Variants in PICALM observed in about 807,000 individuals in gnomAD.
The protein encoded by PICALM is phosphatidylinositol binding clathrin assembly protein.
A neutral mutation model predicts 80.5 loss-of-function variants in PICALM; 40 were observed. The observed-to-expected ratio is 0.50, with a 90% CI of 0.39 to 0.65. The LOEUF (loss-of-function observed/expected upper bound fraction) is 0.65, where lower values mean the gene tolerates loss of function less well. Among genes scored for constraint, PICALM ranks in the 30% least tolerant of loss-of-function variants. The probability of loss-of-function intolerance (pLI) is 0.00; values close to 1 mark genes in which losing one functional copy is unlikely to be tolerated. For missense variants in PICALM, 676 were observed against 778.9 expected, an observed-to-expected ratio of 0.87 and a Z score of 1.57; for synonymous variants, 288 against 260.3, an observed-to-expected ratio of 1.11 and a Z score of -1.02.
chr11:86,008,770 C>G (rs72961111), intron 7 of PICALM, among the ~76,000 whole-genome samples: 34,058 of 151,768 alleles, frequency 0.22, 4,198 homozygotes, highest in African/African-American at 0.28. Context: ...CAAGCCCAAA[C>G]ACAGTCTCAA....
chr11:86,030,469 G>A (rs1045554062), intron 2 of PICALM, among the ~76,000 whole-genome samples: 4 of 152,078 alleles, frequency 2.6e-5, no homozygotes, highest in Admixed American at 1.3e-4. Flanking sequence ...TTATCTTCCC[G>A]GGCTGCATTT....
At chr11:85,974,969 T>C (rs1235404831) in intron 18 of PICALM, among the ~76,000 whole-genome samples, 157 bp from the exon 19 acceptor site, 1 of 152,200 alleles carries the variant, frequency 6.6e-6, no homozygotes, top group Admixed American at 6.5e-5. Context: ...GCTACAAACT[T>C]TCGAGAGTAT....
At chr11:85,981,631 C>A in intron 16 of PICALM, 114 bp downstream of exon 16, 18 of 712,458 alleles carry the variant, frequency 2.5e-5, no homozygotes, top group Non-Finnish European at 4.1e-5. Context: ...AAGATGCAGA[C>A]TTGATATCTC....
At position 86,001,071 on chromosome 11, in the gene PICALM, T is replaced by A. The variant is rs757982851; in HGVS notation, c.981A>T (p.Ala327=). 5 of 1,614,194 alleles carry A rather than the reference T, an allele frequency of 3.1e-6. No individual in the cohort carries two copies. In the South Asian group the frequency reaches 4.4e-5, roughly 14 times the overall value. The part of the protein sequence containing the change: ...TKVDEREKQA[A]LEEEQARLKA... ...TCAAACGTGCCTGTTCTTCCTCTAA[T>A]GCTGCCTGCTTTTCCCTTTCATCCA... Residue 327 remains alanine, a synonymous_variant, in exon 10 of 20, where the codon GCA becomes GCT. Transcript: ENST00000393346.
intron 2 of PICALM, among the ~76,000 whole-genome samples, chr11:86,026,648 C>T (rs1382045142): frequency 6.6e-6 from 1 of 152,100 alleles, no homozygotes; most frequent in Non-Finnish European, 1.5e-5. Context: ...GGTTTTATTA[C>T]AGCATACTAA....
chr11:85,964,317 A>G (rs2093800110), intron 19 of PICALM, among the ~76,000 whole-genome samples: 1 of 152,200 alleles, frequency 6.6e-6, no homozygotes, highest in Non-Finnish European at 1.5e-5. Flanking sequence ...GAAACTTAAC[A>G]ATGCTGTAGA....
At chr11:86,053,258 G>A (rs2137408954) in intron 1 of PICALM, among the ~76,000 whole-genome samples, 1 of 152,308 alleles carries the variant, frequency 6.6e-6, no homozygotes, top group South Asian at 2.1e-4. Flanking sequence ...GTATATTCTT[G>A]TAACGAGGCT....
chr11:85,959,086 AT>A, intron 19 of PICALM, 26 bp from the exon 20 acceptor site: 2 of 1,512,808 alleles, frequency 1.3e-6, no homozygotes, highest in South Asian at 2.3e-5. Flanking sequence ...GGGTATGTTA[AT>A]TCATTGTATT....
At chr11:86,026,515 C>T in intron 2 of PICALM, 148 bp from the exon 3 acceptor site, 1 of 576,606 alleles carries the variant, frequency 1.7e-6, no homozygotes, top group East Asian at 2.8e-5. Flanking sequence ...AACTAGTTAC[C>T]AAACCTAAAA....
At chr11:86,008,952 C>CAAAAAAAAAAAAAA (rs59740555) in intron 7 of PICALM, among the ~76,000 whole-genome samples, 6 of 62,838 alleles carry the variant, frequency 9.5e-5, no homozygotes, top group Non-Finnish European at 1.2e-4. Context: ...AAAAAAAAGC[C>CAAAAAAAAAAAAAA]AAAAAAAAAA....
intron 12 of PICALM, among the ~76,000 whole-genome samples, chr11:85,995,834 T>G (rs1399495966): frequency 1.3e-5 from 2 of 152,182 alleles, no homozygotes; most frequent in Non-Finnish European, 2.9e-5. Context: ...CATTCTGAAA[T>G]AATTCTAAAA....
intron 1 of PICALM, among the ~76,000 whole-genome samples, chr11:86,065,667 T>A (rs940036403): frequency 2.6e-5 from 4 of 152,154 alleles, no homozygotes; most frequent in African/African-American, 9.7e-5. Flanking sequence ...ACTAAAGGCC[T>A]AAGATTAAAC....
chr11:85,974,621 G>T, intron 19 of PICALM, 87 bp downstream of exon 19: 1 of 865,920 alleles, frequency 1.2e-6, no homozygotes, highest in Non-Finnish European at 2.0e-6. Flanking sequence ...CTAGTAACTT[G>T]TTTCTCAAGT....
At chr11:86,049,570 TGAGA>T (rs2096142207) in intron 1 of PICALM, among the ~76,000 whole-genome samples, 1 of 151,776 alleles carries the variant, frequency 6.6e-6, no homozygotes, top group Non-Finnish European at 1.5e-5. Context: ...TCCTTTTCCC[TGAGA>T]AAGAGTCTCA....
chr11:85,993,563 C>T (rs1455664562), intron 12 of PICALM, among the ~76,000 whole-genome samples: 3 of 149,714 alleles, frequency 2.0e-5, no homozygotes, highest in Admixed American at 6.6e-5. Flanking sequence ...CTCAGCTTCC[C>T]GAGTAGCTGG....
At chr11:86,046,296 A>C (rs916471003) in intron 1 of PICALM, among the ~76,000 whole-genome samples, 4 of 152,214 alleles carry the variant, frequency 2.6e-5, no homozygotes, top group Non-Finnish European at 5.9e-5. Flanking sequence ...TGAGCAAAAA[A>C]AATCTAGAAT....
At chr11:86,051,436 G>A (rs149567702) in intron 1 of PICALM, among the ~76,000 whole-genome samples, 3 of 152,006 alleles carry the variant, frequency 2.0e-5, no homozygotes, top group South Asian at 2.1e-4. Flanking sequence ...GGAGGTGGGC[G>A]GATCACTTGA....
At chr11:86,012,231 A>T in intron 6 of PICALM, 50 bp downstream of exon 6, 1 of 983,692 alleles carries the variant, frequency 1.0e-6, no homozygotes, top group Non-Finnish European at 1.6e-6. Flanking sequence ...AATATTGTTT[A>T]TCCATATGAC....
chr11:86,031,634 G>A (rs1340942367), intron 1 of PICALM, 23 bp from the exon 2 acceptor site: 1 of 1,561,194 alleles, frequency 6.4e-7, no homozygotes. Flanking sequence ...ATTTTTAAAT[G>A]ATTAATTTCC....
Sources: gnomAD v4.1 joint callset for allele counts (sites outside exome capture counted in the v4.1 genomes callset) on GRCh38, gnomAD v4.1.1 for gene constraint, MANE v1.5 for transcripts, NCBI Gene and HGNC (gene_info 2026-07-23, HGNC 2026-07-21) for gene names.